The following ZFHX3 variants were observed in gnomAD, a reference collection of about 807,000 sequenced individuals.
ZFHX3 encodes the protein zinc finger homeobox protein 3.
A neutral mutation model predicts 279.1 loss-of-function variants in ZFHX3; 42 were observed. That is an observed-to-expected ratio of 0.15 (90% CI 0.12 to 0.19). The LOEUF is 0.19. Among genes scored for constraint, ZFHX3 ranks in the 10% least tolerant of loss-of-function variants. The pLI, the probability that ZFHX3 is intolerant of heterozygous loss-of-function variation, is 1.00. For synonymous variants in ZFHX3, 2,293 were observed against 1,957.8 expected (o/e 1.17, Z -4.52); for missense variants, 4,981 against 4,754.0 (o/e 1.05, Z -1.40).
chr16:73,513,431 C>T (rs1025497886), intron 2 of ZFHX3, among the ~76,000 whole-genome samples: 3 of 152,188 alleles, frequency 2.0e-5, no homozygotes, highest in African/African-American at 7.2e-5. Context: ...TCTCAATGCA[C>T]ACTAATTGTC....
At chr16:73,009,375 A>C (rs769115380) in intron 1 of ZFHX3, among the ~76,000 whole-genome samples, 1 of 152,168 alleles carries the variant, frequency 6.6e-6, no homozygotes, top group East Asian at 1.9e-4. Context: ...ACGCCTGCAC[A>C]CACAACAGAT....
In ZFHX3 at chr16:72,796,699, T is replaced by C. The variant is rs1410898763; in HGVS notation, c.5983A>G (p.Ile1995Val). 2.5e-6 allele frequency: 4 copies of C among 1,613,884 alleles called. No homozygotes were observed. Among genetic ancestry groups the C allele is most frequent in the Admixed American group, 3.3e-5 (2 of 59,996 alleles). Residue 1995 changes from isoleucine to valine, a missense_variant, in exon 9 of 10, where the codon ATC becomes GTC. Physicochemically the swap from Ile to Val is conservative, Grantham distance 29. Transcript: ENST00000268489. ...TCTTGATGACTCTTTAAAATCAAGA[T>C]GTTGGAAAACAACTTGCCGCAGGAG... Reference protein sequence around the residue: ...CDSCGKLFSNILILKSHQEHV... With the variant: ...CDSCGKLFSNVLILKSHQEHV...
At chr16:73,763,816 A>T (rs1457518803) in intron 1 of ZFHX3, among the ~76,000 whole-genome samples, 1 of 151,928 alleles carries the variant, frequency 6.6e-6, no homozygotes, top group Non-Finnish European at 1.5e-5. Flanking sequence ...GGGGTCAGAG[A>T]CTAAGCAGCA....
intron 3 of ZFHX3, among the ~76,000 whole-genome samples, chr16:73,320,736 G>T (rs2015558824): frequency 6.6e-6 from 1 of 152,158 alleles, no homozygotes; most frequent in Non-Finnish European, 1.5e-5. Context: ...CCATCTGTGG[G>T]ATGTCTGAGG....
chr16:72,818,803 C>T (rs974372693), intron 5 of ZFHX3, among the ~76,000 whole-genome samples: 2 of 152,100 alleles, frequency 1.3e-5, no homozygotes, highest in African/African-American at 4.8e-5. Context: ...ATCTCGCTCC[C>T]GTATATCCCT....
intron 1 of ZFHX3, among the ~76,000 whole-genome samples, chr16:73,775,035 C>T (rs1227761835): frequency 6.7e-6 from 1 of 149,508 alleles, no homozygotes; most frequent in Non-Finnish European, 1.5e-5. Flanking sequence ...ACCCTGCTTC[C>T]ATCCCCGCCT....
intron 1 of ZFHX3, among the ~76,000 whole-genome samples, chr16:73,745,339 T>A (rs2053694147): frequency 6.6e-6 from 1 of 152,144 alleles, no homozygotes; most frequent in Non-Finnish European, 1.5e-5. Context: ...TCCATCTCCT[T>A]AAGAGCAGAG....
intron 2 of ZFHX3, among the ~76,000 whole-genome samples, chr16:73,667,066 A>G (rs1275987174): frequency 2.0e-5 from 3 of 151,940 alleles, no homozygotes; most frequent in Non-Finnish European, 4.4e-5. Context: ...ATCTCGGCTC[A>G]CTACAACCTC....
At chr16:73,592,438 T>G (rs1385425839) in intron 2 of ZFHX3, among the ~76,000 whole-genome samples, 1 of 152,162 alleles carries the variant, frequency 6.6e-6, no homozygotes, top group African/African-American at 2.4e-5. Context: ...TGAAGGTTCA[T>G]TATGCTATTT....
At chr16:73,871,288 C>T (rs1204444342) in intron 1 of ZFHX3, among the ~76,000 whole-genome samples, 1 of 152,184 alleles carries the variant, frequency 6.6e-6, no homozygotes, top group Non-Finnish European at 1.5e-5. Flanking sequence ...AAGCTGTCAT[C>T]CACACTGAAA....
At chr16:72,836,923 C>T (rs910648576) in intron 4 of ZFHX3, among the ~76,000 whole-genome samples, 2 of 152,184 alleles carry the variant, frequency 1.3e-5, no homozygotes, top group Admixed American at 6.5e-5. Context: ...ATTTACTCAT[C>T]AGAAGTGTAA....
chr16:73,805,329 T>C (rs1471319420), intron 1 of ZFHX3, among the ~76,000 whole-genome samples: 1 of 152,032 alleles, frequency 6.6e-6, no homozygotes, highest in African/African-American at 2.4e-5. Flanking sequence ...CCACTACGCC[T>C]GGCTAATTTT....
chr16:73,737,756 G>C (rs1349774951), intron 1 of ZFHX3, among the ~76,000 whole-genome samples: 1 of 151,936 alleles, frequency 6.6e-6, no homozygotes, highest in Non-Finnish European at 1.5e-5. Flanking sequence ...TAATCATTTT[G>C]TGTGTTAGCC....
chr16:73,881,263 G>A (rs2030139589), intron 1 of ZFHX3, among the ~76,000 whole-genome samples: 1 of 152,154 alleles, frequency 6.6e-6, no homozygotes, highest in African/African-American at 2.4e-5. Context: ...CTGCAGTGCG[G>A]AGCAGACAAG....
intron 1 of ZFHX3, among the ~76,000 whole-genome samples, chr16:73,765,917 G>A (rs952897000): frequency 6.6e-6 from 1 of 152,174 alleles, no homozygotes; most frequent in Non-Finnish European, 1.5e-5. Flanking sequence ...TACTGTGACT[G>A]AGTTCTATGG....
intron 1 of ZFHX3, among the ~76,000 whole-genome samples, chr16:72,976,743 G>A (rs1962364351): frequency 6.6e-6 from 1 of 152,208 alleles, no homozygotes; most frequent in Admixed American, 6.5e-5. Context: ...AACAAGGTGT[G>A]GTCACAGTGA....
At chr16:73,478,086 C>A (rs1052598681) in intron 2 of ZFHX3, among the ~76,000 whole-genome samples, 2 of 151,966 alleles carry the variant, frequency 1.3e-5, no homozygotes, top group African/African-American at 4.8e-5. Flanking sequence ...TCCTGGCCAA[C>A]ATGGTGAAAC....
At chr16:72,790,753 A>T (rs1445227509) in intron 9 of ZFHX3, 1 of 152,166 alleles carries the variant, frequency 6.6e-6, no homozygotes, top group East Asian at 1.9e-4. Context: ...GTAGATTATG[A>T]GTTCTAAACT....
intron 2 of ZFHX3, among the ~76,000 whole-genome samples, chr16:73,561,977 G>A (rs2143790511): frequency 6.6e-6 from 1 of 152,218 alleles, no homozygotes; most frequent in East Asian, 1.9e-4. Context: ...AGAAAGTGCT[G>A]AAATAGATTT....
Sources: allele counts gnomAD v4.1 joint callset (sites outside exome capture counted in the v4.1 genomes callset), GRCh38; gene constraint gnomAD v4.1.1; transcripts MANE v1.5; gene names NCBI Gene and HGNC (gene_info 2026-07-23, HGNC 2026-07-21).